The following TUBGCP3 variants were observed in gnomAD, a reference collection of about 807,000 sequenced individuals.
TUBGCP3 encodes gamma-tubulin complex component 3.
TUBGCP3 carries 50 observed loss-of-function variants against 123.1 expected under a neutral mutation model. The ratio of observed to expected loss-of-function variants is 0.41; its 90% CI spans 0.32 to 0.51. The LOEUF (loss-of-function observed/expected upper bound fraction) is 0.51, where lower values mean the gene tolerates loss of function less well. TUBGCP3 is among the 20% of genes least tolerant of loss of function. The pLI, the probability that TUBGCP3 is intolerant of heterozygous loss-of-function variation, is 0.36. For missense variants in TUBGCP3, 882 were observed against 1,127.0 expected, an observed-to-expected ratio of 0.78 and a Z score of 3.11; for synonymous variants, 405 against 413.9, an observed-to-expected ratio of 0.98 and a Z score of 0.26.
At chr13:112,534,520 C>A (rs975580542) in intron 11 of TUBGCP3, among the ~76,000 whole-genome samples, 1 of 152,076 alleles carries the variant, frequency 6.6e-6, no homozygotes, top group Admixed American at 6.5e-5. Context: ...GCACTCCAGC[C>A]TGGGCGACAG....
intron 14 of TUBGCP3, chr13:112,521,854 T>C (rs1037835484): frequency 3.0e-6 from 3 of 985,410 alleles, no homozygotes; most frequent in Non-Finnish European, 3.6e-6. Flanking sequence ...GAGAAGGACA[T>C]ACATTTAACT....
At chr13:112,598,650 A>G in the TUBGCP3 span, among the ~76,000 whole-genome samples, 7 of 152,302 alleles carry the variant, frequency 4.6e-5, no homozygotes, top group South Asian at 1.5e-3. Flanking sequence ...CAAACTAATA[A>G]AGAGTAAATT....
At chr13:112,569,391 A>G in intron 1 of TUBGCP3, 132 bp from the exon 2 acceptor site, 1 of 678,270 alleles carries the variant, frequency 1.5e-6, no homozygotes, top group Non-Finnish European at 2.5e-6. Flanking sequence ...AACTGAGAGG[A>G]CAGAAAAGCT....
intron 19 of TUBGCP3, among the ~76,000 whole-genome samples, chr13:112,499,514 A>G (rs991885608): frequency 2.0e-5 from 3 of 152,220 alleles, no homozygotes; most frequent in Non-Finnish European, 4.4e-5. Flanking sequence ...GTTCTGCCCA[A>G]ATTTCAAAGC....
intron 8 of TUBGCP3, among the ~76,000 whole-genome samples, chr13:112,550,541 C>T (rs949660224): frequency 3.3e-5 from 5 of 152,154 alleles, no homozygotes; most frequent in East Asian, 1.9e-4. Context: ...CTGGAGGTAC[C>T]GCCACGTGTC....
At chr13:112,517,337 C>T (rs1400655016) in intron 16 of TUBGCP3, among the ~76,000 whole-genome samples, 3 of 152,082 alleles carry the variant, frequency 2.0e-5, no homozygotes, top group African/African-American at 7.2e-5. Context: ...CTTTACAGAC[C>T]TAAACATTCA....
chr13:112,489,484 A>G, intron 21 of TUBGCP3, 97 bp downstream of exon 21: 7 of 857,936 alleles, frequency 8.2e-6, no homozygotes, highest in Non-Finnish European at 1.4e-5. Flanking sequence ...TGTCAGACTG[A>G]CAGGGCTGAC....
chr13:112,545,810 G>T lies in TUBGCP3; in HGVS notation c.1224C>A (p.Asp408Glu), dbSNP rs1438982777. 1 of 1,614,034 alleles carries T rather than the reference G, an allele frequency of 6.2e-7. No homozygotes were observed. The highest frequency in any genetic ancestry group is 8.5e-7 in the Non-Finnish European group (1 of 1,180,032). Residue 408 changes from aspartate (D) to glutamate (E), a missense_variant, in exon 11 of 22, where the codon GAC becomes GAA. Physicochemically the swap from Asp to Glu is conservative, Grantham distance 45 (BLOSUM62 2). Coordinates refer to ENST00000261965, the MANE Select transcript of TUBGCP3 (RefSeq NM_006322.6). This position sits in a 1 kb window ranked among gnomAD's most constrained non-coding sequence, Gnocchi z 4.1. ...SAVHAYTKTG[D>E]PYMRSLVQHI... ...GCTGCACCAGAGACCGCATGTACGG[G>T]TCTCCTGTTTTTGTGTAGGCGTGGA...
At position 112,569,310 on chromosome 13, in the gene TUBGCP3, G is replaced by T; in HGVS notation, c.77-51C>A. On this transcript the variant is annotated intron_variant, in intron 1 of 21. Coordinates refer to ENST00000261965, the MANE Select transcript of TUBGCP3 (RefSeq NM_006322.6). ...ATTGTTACCAACCAGGTTACGTTCT[G>T]GTCACCTGAAGCTTCCAGTTCAAGA... 5 of 1,571,060 alleles carry T rather than the reference G, an allele frequency of 3.2e-6. No individual in the cohort carries two copies. The South Asian group carries it at 3.4e-5, about 11-fold the overall frequency.
chr13:112,570,930 C>G (rs1881344232), intron 1 of TUBGCP3, among the ~76,000 whole-genome samples: 1 of 152,206 alleles, frequency 6.6e-6, no homozygotes, highest in Non-Finnish European at 1.5e-5. Flanking sequence ...TTTCTCTGCT[C>G]ATCGATAAAA....
At chr13:112,551,374 T>C (rs76523728) in intron 8 of TUBGCP3, among the ~76,000 whole-genome samples, 4,290 of 147,514 alleles carry the variant, frequency 0.029, 102 homozygotes, top group Middle Eastern at 0.063. Flanking sequence ...TTTTGCTCCA[T>C]TTGGTATGTC....
chr13:112,527,653 T>C (rs1298555205), intron 11 of TUBGCP3, among the ~76,000 whole-genome samples, 169 bp from the exon 12 acceptor site: 2 of 152,230 alleles, frequency 1.3e-5, no homozygotes, highest in South Asian at 2.1e-4. Flanking sequence ...TCTCTCTAAA[T>C]TGAACTATGT....
chr13:112,505,640 C>G (rs1237793013), intron 17 of TUBGCP3, among the ~76,000 whole-genome samples: 2 of 152,208 alleles, frequency 1.3e-5, no homozygotes, highest in Non-Finnish European at 2.9e-5. Flanking sequence ...GTTTTGCTCT[C>G]TTGGTTTAAC....
chr13:112,598,197 C>T, the TUBGCP3 span, among the ~76,000 whole-genome samples: 2 of 151,944 alleles, frequency 1.3e-5, no homozygotes, highest in Non-Finnish European at 2.9e-5. Flanking sequence ...GAATTCTATA[C>T]TCAGCCTAAA....
At position 112,556,271 on chromosome 13, in the gene TUBGCP3, G is replaced by A. The variant is rs368700761; in HGVS notation, c.549-47C>T. 8.0e-4 allele frequency: 1,254 copies of A among 1,563,008 alleles called. 4 individuals are homozygous for A. Among genetic ancestry groups the A allele is most frequent in the Non-Finnish European group, 9.7e-4 (1,112 of 1,144,402 alleles). ...ATCTTCTAATAGGCTATTCGCTGAAGAGACAAAAGTGTCCCTAGAAATTTC... is the reference window on the plus strand; with the variant it reads ...ATCTTCTAATAGGCTATTCGCTGAAAAGACAAAAGTGTCCCTAGAAATTTC... On this transcript the variant is annotated intron_variant, in intron 5 of 21. Transcript: ENST00000261965.
chr13:112,526,409 T>C (rs1877100215), intron 13 of TUBGCP3, among the ~76,000 whole-genome samples: 1 of 141,286 alleles, frequency 7.1e-6, no homozygotes, highest in African/African-American at 2.7e-5. Flanking sequence ...ATCAACATCA[T>C]CACCACCATC....
chr13:112,556,247 T>C, intron 5 of TUBGCP3, 23 bp from the exon 6 acceptor site: 1 of 1,607,662 alleles, frequency 6.2e-7, no homozygotes, highest in Non-Finnish European at 8.5e-7. Context: ...ACATGTATTA[T>C]CTTCTAATAG....
intron 7 of TUBGCP3, 76 bp from the exon 8 acceptor site, chr13:112,554,258 T>C: frequency 6.5e-7 from 1 of 1,533,942 alleles, no homozygotes; most frequent in Non-Finnish European, 8.9e-7. Flanking sequence ...TCTCAAGCAC[T>C]TCTACTTTTA....
At chr13:112,587,781 T>TCCCCCAGCCCTCTGCCCGG (rs1882723465) in intron 1 of TUBGCP3, 124 bp downstream of exon 1, 1 of 827,360 alleles carries the variant, frequency 1.2e-6, no homozygotes, top group Non-Finnish European at 1.8e-6. Flanking sequence ...CCTCGGCCCG[T>TCCCCCAGCCCTCTGCCCGG]CCCCCAGCCC....
Sources: gnomAD v4.1 joint callset for allele counts (sites outside exome capture counted in the v4.1 genomes callset) on GRCh38, gnomAD v4.1.1 for gene constraint, Gnocchi (gnomAD v3.1) non-coding constraint, MANE v1.5 for transcripts, NCBI Gene and HGNC (gene_info 2026-07-23, HGNC 2026-07-21) for gene names.